C5AR1: variants seen among roughly 807,000 people sequenced by gnomAD.
C5AR1 encodes the protein complement C5a receptor 1, also known as C5a anaphylatoxin chemotactic receptor 1.
C5AR1 carries 4 observed loss-of-function variants against 2.4 expected under a neutral mutation model. The ratio of observed to expected loss-of-function variants is 1.65; its 90% CI spans 0.81 to 3.77. The LOEUF (loss-of-function observed/expected upper bound fraction) is 3.77. Ranked by LOEUF, C5AR1 falls within the 30% of genes most tolerant of loss-of-function variation. The pLI is 0.01. For missense variants in C5AR1, 418 were observed against 462.5 expected (o/e 0.90, Z 0.88); for synonymous variants, 209 against 210.4 (o/e 0.99, Z 0.06).
In C5AR1 at chr19:47,320,490, C is replaced by A; in HGVS notation, c.713C>A (p.Thr238Asn). ...TGGAGCCGCAGGGCCACGCGGTCCA[C>A]CAAGACACTCAAGGTGGTGGTGGCA... ...RTWSRRATRS[T>N]KTLKVVVAVV... The change falls in exon 2 of 2, where the codon ACC (threonine) becomes AAC (asparagine). Residue 238 changes from threonine to asparagine, a missense_variant. Thr to Asn is a moderately conservative substitution (Grantham distance 65). Coordinates refer to ENST00000355085, the MANE Select transcript of C5AR1 (RefSeq NM_001736.4). The surrounding 1 kb of genome is among the most constrained non-coding windows in gnomAD (Gnocchi z 4.9). The A allele has an allele frequency of 6.2e-7, 1 of 1,613,910 alleles. No homozygotes were observed. Among genetic ancestry groups the A allele is most frequent in the Middle Eastern group, 1.7e-4 (1 of 6,060 alleles).
chr19:47,317,196 A>G (rs1342467995), intron 1 of C5AR1, among the ~76,000 whole-genome samples: 1 of 149,388 alleles, frequency 6.7e-6, no homozygotes, highest in East Asian at 1.9e-4. Context: ...CCGTCTCAAA[A>G]AAAAAAAAAA....
At position 47,320,602 on chromosome 19, in the gene C5AR1, C is replaced by T. The variant is rs907177214; in HGVS notation, c.825C>T (p.Phe275=). The T allele has an allele frequency of 1.9e-6, 3 of 1,614,098 alleles. No homozygotes were observed. In the South Asian group the frequency reaches 3.3e-5, roughly 18 times the overall value. ...MSFLEPSSPT[F]LLLKKLDSLC... ...TCCTGGAGCCATCGTCACCCACCTTCCTGCTGCTGAAGAAGCTGGACTCCC... is the reference window on the plus strand; with the variant it reads ...TCCTGGAGCCATCGTCACCCACCTTTCTGCTGCTGAAGAAGCTGGACTCCC... Residue 275 remains phenylalanine (F), a synonymous_variant, in exon 2 of 2, where the codon TTC becomes TTT. Transcript: ENST00000355085. This position sits in a 1 kb window ranked among gnomAD's most constrained non-coding sequence, Gnocchi z 4.9.
upstream of C5AR1, among the ~76,000 whole-genome samples, chr19:47,309,402 C>T (rs558218897): frequency 5.7e-4 from 87 of 151,852 alleles, 1 homozygote; most frequent in African/African-American, 2.0e-3. Flanking sequence ...GGCGAAACCC[C>T]GTCTTTACTA....
At chr19:47,314,042 C>A (rs140272946) in intron 1 of C5AR1, among the ~76,000 whole-genome samples, 2 of 152,164 alleles carry the variant, frequency 1.3e-5, no homozygotes, top group Non-Finnish European at 2.9e-5. Flanking sequence ...TCACATCTTG[C>A]GGCCAGCACC....
chr19:47,319,638 A>C (rs2059301482), intron 1 of C5AR1, 143 bp from the exon 2 acceptor site: 2 of 631,342 alleles, frequency 3.2e-6, no homozygotes, highest in Admixed American at 2.8e-5. Flanking sequence ...GTGACACCCT[A>C]GTTGACTCTC....
At chr19:47,314,793 A>G (rs965192082) in intron 1 of C5AR1, among the ~76,000 whole-genome samples, 1 of 152,296 alleles carries the variant, frequency 6.6e-6, no homozygotes, top group South Asian at 2.1e-4. Flanking sequence ...TCCTGGGTTC[A>G]AGTGTTTTTC....
At chr19:47,310,837 G>A (rs1849501263) in intron 1 of C5AR1, among the ~76,000 whole-genome samples, 1 of 152,182 alleles carries the variant, frequency 6.6e-6, no homozygotes, top group Non-Finnish European at 1.5e-5. Context: ...GGAAACTGAG[G>A]CCCAGGCAGG....
chr19:47,319,672 A>C, intron 1 of C5AR1, 109 bp from the exon 2 acceptor site: 1 of 701,958 alleles, frequency 1.4e-6, no homozygotes, highest in Non-Finnish European at 2.5e-6. Flanking sequence ...CCCATTTCCT[A>C]GTGAGAAAAA....
intron 1 of C5AR1, among the ~76,000 whole-genome samples, chr19:47,318,904 T>TA (rs1555807096): frequency 8.1e-5 from 12 of 147,320 alleles, no homozygotes; most frequent in Admixed American, 8.1e-4. Context: ...TTTTTTTTTT[T>TA]AGATGGAGTC....
intron 1 of C5AR1, among the ~76,000 whole-genome samples, chr19:47,318,324 C>T (rs1177379937): frequency 6.6e-6 from 1 of 150,660 alleles, no homozygotes; most frequent in Non-Finnish European, 1.5e-5. Context: ...GGTGGAGTCT[C>T]ACTCTGTCGC....
upstream of C5AR1, chr19:47,309,816 A>G: frequency 2.7e-6 from 4 of 1,492,628 alleles, no homozygotes; most frequent in Admixed American, 5.4e-5. Context: ...TCCTCCCTGC[A>G]TCTTCCCTTG....
Position 47,309,889 on chromosome 19 carries a change from C to A in C5AR1, c.-7C>A. 6.2e-7 allele frequency: 1 copy of A among 1,612,730 alleles called. No homozygotes were observed. Among genetic ancestry groups the A allele is most frequent in the Non-Finnish European group, 8.5e-7 (1 of 1,179,316 alleles). ...TTCGATCCTCGGGGAGCCCAGGAGA[C>A]CAGAACATGGTGAGTCTCGAAGGGG... On this transcript the variant is annotated 5_prime_UTR_variant, in exon 1 of 2. Transcript: ENST00000355085.
intron 1 of C5AR1, among the ~76,000 whole-genome samples, chr19:47,318,231 G>A (rs1450454516): frequency 6.6e-6 from 1 of 151,924 alleles, no homozygotes; most frequent in Non-Finnish European, 1.5e-5. Flanking sequence ...GAGTGACCTG[G>A]AACAGCCTAC....
In C5AR1 at chr19:47,321,848, T is replaced by G. The variant is rs1421394759; in HGVS notation, c.*1018T>G. The G allele has an allele frequency of 6.6e-6, 1 of 152,040 alleles. No individual in the cohort carries two copies. Among genetic ancestry groups the G allele is most frequent in the Non-Finnish European group, 1.5e-5 (1 of 68,028 alleles). 9.4% of individuals were successfully genotyped at this position (152,040 alleles called of 1,614,324 possible). ...ATTGATACAGTGAAGATACAGGACA[T>G]TCTCATCACCACAGGGATCCCCAGG... On this transcript the variant is annotated 3_prime_UTR_variant, in exon 2 of 2. Transcript: ENST00000355085.
chr19:47,318,880 T>TA (rs2059298439), intron 1 of C5AR1, among the ~76,000 whole-genome samples: 1 of 75,138 alleles, frequency 1.3e-5, no homozygotes, highest in Non-Finnish European at 2.6e-5. Flanking sequence ...CTTTTTGTTC[T>TA]ATTTTTTTTT....
rs201740858 is a variant in C5AR1 at position 47,320,367 on chromosome 19, G to A, written c.590G>A (p.Arg197Gln). The change falls in exon 2 of 2, where the codon CGG (arginine) becomes CAG (glutamine). Residue 197 changes from arginine (R) to glutamine (Q), a missense_variant. Coordinates refer to ENST00000355085, the MANE Select transcript of C5AR1 (RefSeq NM_001736.4). This position sits in a 1 kb window ranked among gnomAD's most constrained non-coding sequence, Gnocchi z 4.9. ...LCGVDYSHDK[R>Q]RERAVAIVRL... Reference sequence around the variant, plus strand: ...GGCGTGGACTACAGCCACGACAAACGGCGGGAGCGAGCCGTGGCCATCGTC... The same window carrying A: ...GGCGTGGACTACAGCCACGACAAACAGCGGGAGCGAGCCGTGGCCATCGTC... 15 of 1,609,550 alleles carry A rather than the reference G, an allele frequency of 9.3e-6. No homozygotes were observed. Among genetic ancestry groups the A allele is most frequent in the East Asian group, 2.2e-5 (1 of 44,896 alleles).
intron 1 of C5AR1, among the ~76,000 whole-genome samples, chr19:47,318,608 T>G (rs764435675): frequency 2.2e-4 from 34 of 152,112 alleles, no homozygotes; most frequent in Admixed American, 3.3e-4. Flanking sequence ...ATGGGCATAT[T>G]AACAGAACCT....
chr19:47,315,132 T>C (rs1342690925), intron 1 of C5AR1, among the ~76,000 whole-genome samples: 1 of 151,724 alleles, frequency 6.6e-6, no homozygotes, highest in East Asian at 1.9e-4. Flanking sequence ...ATCCCCCTGC[T>C]TCAGCCTCCC....
Position 47,320,180 on chromosome 19 carries a change from T to C in C5AR1, c.403T>C (p.Phe135Leu), listed in dbSNP as rs1260544904. The change falls in exon 2 of 2, where the codon TTT (phenylalanine) becomes CTT (leucine). Residue 135 changes from phenylalanine to leucine, a missense_variant. Transcript: ENST00000355085. The surrounding 1 kb of genome is among the most constrained non-coding windows in gnomAD (Gnocchi z 4.9). ...CCTGGCCACCATCAGCGCCGACCGC[T>C]TTCTGCTGGTGTTTAAACCCATCTG... ...LLLATISADR[F>L]LLVFKPIWCQ... 6.2e-7 allele frequency: 1 copy of C among 1,614,178 alleles called. No individual in the cohort carries two copies. Among genetic ancestry groups the C allele is most frequent in the South Asian group, 1.1e-5 (1 of 91,088 alleles).
Sources: allele counts gnomAD v4.1 joint callset (sites outside exome capture counted in the v4.1 genomes callset), GRCh38; gene constraint gnomAD v4.1.1; non-coding constraint Gnocchi (gnomAD v3.1); transcripts MANE v1.5; gene names NCBI Gene and HGNC (gene_info 2026-07-23, HGNC 2026-07-21).